The following ALDH1A2 variants were observed in gnomAD, a reference collection of about 807,000 sequenced individuals.
The protein encoded by ALDH1A2 is retinal dehydrogenase 2.
In ALDH1A2, 27 loss-of-function variants were observed where a neutral mutation model predicts 60.3. The observed-to-expected ratio is 0.45, with a 90% confidence interval of 0.33 to 0.62. The LOEUF (loss-of-function observed/expected upper bound fraction) is 0.62. Among genes scored for constraint, ALDH1A2 ranks in the 20% least tolerant of loss-of-function variants. ALDH1A2 has a pLI of 0.02. For synonymous variants in ALDH1A2, 289 were observed against 232.4 expected, an observed-to-expected ratio of 1.24 and a Z score of -2.21; for missense variants, 581 against 643.8, an observed-to-expected ratio of 0.90 and a Z score of 1.06.
At chr15:58,039,892 A>C (rs1006481885) in intron 1 of ALDH1A2, among the ~76,000 whole-genome samples, 1 of 151,788 alleles carries the variant, frequency 6.6e-6, no homozygotes, top group African/African-American at 2.4e-5. Context: ...ATCATTTCTT[A>C]GTCACCTATT....
At position 57,965,824 on chromosome 15, in the gene ALDH1A2, CA is replaced by C; in HGVS notation, c.801del (p.Gly268GlufsTer13). The part of the protein sequence containing the change: ...DKIAFTGSTE[V>X]GKLIQEAAGR... ...CCAGCTGCTTCTTGGATAAGCTTTC[CA>C]ACCTGAAAGAAGGGAAATGGAGACA... On this transcript the variant is annotated frameshift_variant and splice_region_variant, in exon 8 of 13. Coordinates refer to ENST00000249750, the MANE Select transcript of ALDH1A2 (RefSeq NM_003888.4). LOFTEE classifies it high-confidence loss of function. 1 of 1,613,780 alleles carries C rather than the reference CA, an allele frequency of 6.2e-7. No individual in the cohort carries two copies. Among genetic ancestry groups the C allele is most frequent in the Admixed American group, 1.7e-5 (1 of 60,024 alleles).
rs148329617 is a variant in ALDH1A2 at position 57,997,841 on chromosome 15, C to T, written c.494-2702G>A. On this transcript the variant is annotated intron_variant, in intron 4 of 12. Transcript: ENST00000249750. ...TATTTGAAAAGCATTTAGCTACAGGCTAACACAGGGAAAGAGACAGAATCT... is the reference window on the plus strand; with the variant it reads ...TATTTGAAAAGCATTTAGCTACAGGTTAACACAGGGAAAGAGACAGAATCT... Among the ~76,000 whole-genome samples the T allele has an allele frequency of 1.3e-3, 202 of 152,044 alleles. 1 individual carries two copies. Among genetic ancestry groups the T allele is most frequent in the Middle Eastern group, 6.8e-3 (2 of 294 alleles).
At position 57,974,432 on chromosome 15, in the gene ALDH1A2, CA is replaced by C. The variant is rs61170362; in HGVS notation, c.799-8606del. Among the ~76,000 whole-genome samples the C allele has an allele frequency of 6.4e-3, 616 of 96,680 alleles. 1 individual carries two copies. The highest frequency in any genetic ancestry group is 0.014 in the African/African-American group (317 of 22,078). 63.4% of individuals were successfully genotyped at this position (96,680 alleles called of 152,430 possible). ...TGGGTGACAGAGCGAGACTCCATCT[CA>C]AAAAAAAAAAAAAAAAAAAAGAAAG... On this transcript the variant is annotated intron_variant, in intron 7 of 12. Transcript: ENST00000249750.
chr15:57,998,794 C>T (rs1354210994), intron 4 of ALDH1A2, among the ~76,000 whole-genome samples: 1 of 152,110 alleles, frequency 6.6e-6, no homozygotes, highest in Non-Finnish European at 1.5e-5. Flanking sequence ...TACCTGACTT[C>T]AAACTATACT....
chr15:57,977,083 C>T (rs1894284169), intron 7 of ALDH1A2, among the ~76,000 whole-genome samples: 1 of 144,052 alleles, frequency 6.9e-6, no homozygotes, highest in Non-Finnish European at 1.5e-5. Flanking sequence ...ATATCCTTTG[C>T]CCACTTTTCG....
At chr15:58,061,553 G>A (rs1166912106) in intron 1 of ALDH1A2, among the ~76,000 whole-genome samples, 2 of 111,432 alleles carry the variant, frequency 1.8e-5, no homozygotes, top group African/African-American at 3.2e-5. Flanking sequence ...CCATGGTTGC[G>A]AGAGAAGCAA....
At chr15:58,030,742 C>G (rs1160994017) in intron 1 of ALDH1A2, among the ~76,000 whole-genome samples, 1 of 151,942 alleles carries the variant, frequency 6.6e-6, no homozygotes, top group South Asian at 2.1e-4. Flanking sequence ...ACACCAATAA[C>G]GGACAGAGAG....
intron 1 of ALDH1A2, among the ~76,000 whole-genome samples, chr15:58,053,822 G>A (rs1287457827): frequency 1.3e-5 from 2 of 152,120 alleles, no homozygotes; most frequent in African/African-American, 2.4e-5. Flanking sequence ...TTTAATCTCA[G>A]AAATTTTTCA....
chr15:58,009,210 A>G (rs1895552189), intron 4 of ALDH1A2, among the ~76,000 whole-genome samples: 1 of 152,050 alleles, frequency 6.6e-6, no homozygotes, highest in Non-Finnish European at 1.5e-5. Flanking sequence ...ATGAGGCATC[A>G]CAACAGCCAC....
intron 4 of ALDH1A2, among the ~76,000 whole-genome samples, chr15:58,001,862 G>T (rs1169996883): frequency 6.6e-6 from 1 of 151,804 alleles, no homozygotes; most frequent in East Asian, 1.9e-4. Flanking sequence ...CATTTGATGG[G>T]GACACCAGAA....
chr15:58,030,005 T>C (rs547051727), intron 1 of ALDH1A2, among the ~76,000 whole-genome samples: 3 of 152,104 alleles, frequency 2.0e-5, no homozygotes, highest in South Asian at 4.1e-4. Flanking sequence ...TTCCAATCAA[T>C]AGAAAAAGAG....
At chr15:58,032,891 TG>T (rs1217789360) in intron 1 of ALDH1A2, among the ~76,000 whole-genome samples, 32 of 152,070 alleles carry the variant, frequency 2.1e-4, no homozygotes, top group Non-Finnish European at 3.1e-4. Flanking sequence ...TAGATGGGAC[TG>T]GAAGTCATTA....
intron 7 of ALDH1A2, among the ~76,000 whole-genome samples, chr15:57,968,943 G>A (rs1380487469): frequency 6.6e-6 from 1 of 152,194 alleles, no homozygotes; most frequent in East Asian, 1.9e-4. Context: ...TTGCATCAAT[G>A]CTTTACCAGC....
chr15:58,038,559 T>C (rs1205359526), intron 1 of ALDH1A2: 1 of 151,772 alleles, frequency 6.6e-6, no homozygotes, highest in African/African-American at 2.4e-5. Context: ...ACATCTGTTT[T>C]AGGAAAAACA....
chr15:58,020,416 C>T (rs1312581714), intron 1 of ALDH1A2, among the ~76,000 whole-genome samples: 2 of 152,098 alleles, frequency 1.3e-5, no homozygotes. Flanking sequence ...TACAGTACCT[C>T]CCACACCAAG....
intron 1 of ALDH1A2, among the ~76,000 whole-genome samples, chr15:58,061,619 A>C (rs1281158507): frequency 6.7e-6 from 1 of 150,038 alleles, no homozygotes; most frequent in African/African-American, 2.4e-5. Flanking sequence ...ACAAAAAAAA[A>C]AAAAAAACGG....
chr15:57,993,971 A>G (rs1894973307), intron 5 of ALDH1A2, among the ~76,000 whole-genome samples: 1 of 152,182 alleles, frequency 6.6e-6, no homozygotes, highest in Non-Finnish European at 1.5e-5. Context: ...TTTTCCCCTT[A>G]GTTGTTTATA....
At chr15:58,063,398 A>G (rs1405423337) in intron 1 of ALDH1A2, among the ~76,000 whole-genome samples, 4 of 152,128 alleles carry the variant, frequency 2.6e-5, no homozygotes, top group Non-Finnish European at 5.9e-5. Flanking sequence ...TGTCCATTCT[A>G]TCTTGTTCAC....
intron 1 of ALDH1A2, among the ~76,000 whole-genome samples, chr15:58,064,044 T>C (rs756976540): frequency 6.6e-6 from 1 of 152,112 alleles, no homozygotes; most frequent in Non-Finnish European, 1.5e-5. Flanking sequence ...AAAAATCCCA[T>C]CAAAAATAAG....
Sources: allele counts gnomAD v4.1 joint callset (sites outside exome capture counted in the v4.1 genomes callset), GRCh38; gene constraint gnomAD v4.1.1; transcripts MANE v1.5; gene names NCBI Gene and HGNC (gene_info 2026-07-23, HGNC 2026-07-21).